IGF2R: variants seen among roughly 807,000 people sequenced by gnomAD.
The protein encoded by IGF2R is insulin like growth factor 2 receptor.
IGF2R carries 91 observed loss-of-function variants against 270.6 expected under a neutral mutation model. That is an observed-to-expected ratio of 0.34 (90% confidence interval 0.28 to 0.40). The LOEUF (loss-of-function observed/expected upper bound fraction) is 0.40. Among genes scored for constraint, IGF2R ranks in the 10% least tolerant of loss-of-function variants. IGF2R has a pLI of 1.00. For synonymous variants in IGF2R, 1,316 were observed against 1,258.9 expected (o/e 1.05, Z -0.96); for missense variants, 2,805 against 3,188.3 (o/e 0.88, Z 2.90).
In IGF2R at chr6:160,062,630, G is replaced by T. The variant is rs554945383; in HGVS notation, c.3670+11G>T. ...TTGTCAGAGTGGAAGGTAGGACTGG[G>T]CCTGTCCCTACAAGTCATTTTAAAT... On this transcript the variant is annotated intron_variant, in intron 26 of 47. Coordinates refer to ENST00000356956, the MANE Select transcript of IGF2R (RefSeq NM_000876.4). The T allele has an allele frequency of 1.3e-6, 2 of 1,595,622 alleles. No homozygotes were observed. Among genetic ancestry groups the T allele is most frequent in the African/African-American group, 1.3e-5 (1 of 74,616 alleles).
Position 160,093,884 on chromosome 6 carries a change from A to T in IGF2R, c.6656-2555A>T. On this transcript the variant is annotated intron_variant, in intron 44 of 47. Transcript: ENST00000356956. ...GCTGGGCAGTATCGCAGACAGGACC[A>T]TTCAGGAGGCTGATCAGCATGGGGA... 4.1e-6 allele frequency: 3 copies of T among 724,788 alleles called. No homozygotes were observed. The Admixed American group carries it at 5.3e-5, about 13-fold the overall frequency. 44.9% of individuals were successfully genotyped at this position (724,788 alleles called of 1,614,324 possible).
At chr6:159,996,723 C>A (rs896148544) in intron 2 of IGF2R, among the ~76,000 whole-genome samples, 1 of 152,202 alleles carries the variant, frequency 6.6e-6, no homozygotes, top group African/African-American at 2.4e-5. Flanking sequence ...ACGAGAGACA[C>A]CTGTCCATGG....
chr6:160,065,814 G>GTGTATGTATATA, intron 29 of IGF2R, among the ~76,000 whole-genome samples: 5 of 78,390 alleles, frequency 6.4e-5, no homozygotes, highest in African/African-American at 2.3e-4. Context: ...GTGTGTGTGT[G>GTGTATGTATATA]TATATATATA....
chr6:160,086,821 G>A (rs1779106605), intron 41 of IGF2R, among the ~76,000 whole-genome samples: 1 of 152,164 alleles, frequency 6.6e-6, no homozygotes. Flanking sequence ...AAACACTCGG[G>A]AAGTGAGCAC....
At chr6:160,010,205 T>C (rs1478298743) in intron 3 of IGF2R, 1 of 154,816 alleles carries the variant, frequency 6.5e-6, no homozygotes, top group Non-Finnish European at 1.4e-5. Flanking sequence ...TTGACCTGTT[T>C]GTAGTCCACT....
intron 2 of IGF2R, among the ~76,000 whole-genome samples, chr6:159,995,775 C>T (rs1295928497): frequency 2.0e-5 from 3 of 151,562 alleles, no homozygotes; most frequent in African/African-American, 7.3e-5. Flanking sequence ...TCTCTTGGAT[C>T]TTATTGCGCT....
chr6:160,003,407 T>C (rs1562338806), intron 2 of IGF2R: 1 of 152,360 alleles, frequency 6.6e-6, no homozygotes, highest in East Asian at 1.9e-4. Flanking sequence ...TTTTAAAACG[T>C]ATATTCACAT....
Position 160,072,702 on chromosome 6 carries a change from G to A in IGF2R, c.4571-63G>A, listed in dbSNP as rs8191885. The A allele has an allele frequency of 9.0e-4, 1,437 of 1,600,824 alleles. 12 individuals carry two copies. The African/African-American group carries it at 0.016, about 18-fold the overall frequency. On this transcript the variant is annotated intron_variant, in intron 32 of 47. Transcript: ENST00000356956. ...ATAATCTGTGTGTGAGCTCGCCGAT[G>A]ATGAGCCTCCCAAGTCTCAGCTCCC...
intron 1 of IGF2R, among the ~76,000 whole-genome samples, chr6:159,979,436 C>T (rs972432090): frequency 6.6e-5 from 10 of 152,284 alleles, no homozygotes; most frequent in African/African-American, 2.2e-4. Context: ...TCTCTGCTCT[C>T]GAAGCGTCAG....
At chr6:160,097,989 G>A (rs1055699796) in intron 45 of IGF2R, among the ~76,000 whole-genome samples, 17 of 152,308 alleles carry the variant, frequency 1.1e-4, no homozygotes, top group African/African-American at 2.2e-4. Context: ...TTCCGGTGAC[G>A]TCATTACAAA....
At chr6:160,008,121 G>A (rs926826249) in intron 2 of IGF2R, among the ~76,000 whole-genome samples, 1 of 152,210 alleles carries the variant, frequency 6.6e-6, no homozygotes, top group African/African-American at 2.4e-5. Flanking sequence ...ACAAGTTTGT[G>A]TTGGGCTGCA....
At chr6:160,078,681 A>G (rs1169174414) in intron 37 of IGF2R, among the ~76,000 whole-genome samples, 2 of 152,214 alleles carry the variant, frequency 1.3e-5, no homozygotes, top group Non-Finnish European at 2.9e-5. Flanking sequence ...GCCCGGAGAC[A>G]TGAATGTAAG....
intron 4 of IGF2R, among the ~76,000 whole-genome samples, chr6:160,020,447 C>A (rs1777406954): frequency 6.6e-6 from 1 of 152,056 alleles, no homozygotes; most frequent in Admixed American, 6.6e-5. Flanking sequence ...TAGAAAAAGT[C>A]CTAAAATTCA....
rs1237234461 is a variant in IGF2R, at chr6:159,998,577, A to G, written c.289+7254A>G. Among the ~76,000 whole-genome samples the G allele has an allele frequency of 6.6e-6, 1 of 152,226 alleles. No homozygotes were observed. The highest frequency in any genetic ancestry group is 1.5e-5 in the Non-Finnish European group (1 of 68,038). On this transcript the variant is annotated intron_variant, in intron 2 of 47. Transcript: ENST00000356956. The surrounding 1 kb of genome is among the most constrained non-coding windows in gnomAD (Gnocchi z 4.1). The stretch of plus-strand genomic sequence containing the variant: ...ACCAAAGATAACTAGATGACTAAAA[A>G]GTAACTTACAGGTTAAGATGATGAT...
intron 22 of IGF2R, among the ~76,000 whole-genome samples, chr6:160,059,748 C>T (rs575021995): frequency 3.3e-5 from 5 of 152,352 alleles, no homozygotes; most frequent in Admixed American, 6.5e-5. Flanking sequence ...CCGCTTGGCC[C>T]GCTGGCCTCC....
At chr6:160,065,810 GTGTGTATA>G (rs1283949623) in intron 29 of IGF2R, among the ~76,000 whole-genome samples, 22 of 72,974 alleles carry the variant, frequency 3.0e-4, no homozygotes, top group East Asian at 1.5e-3. Context: ...GTGTGTGTGT[GTGTGTATA>G]TATATATATA....
intron 7 of IGF2R, among the ~76,000 whole-genome samples, chr6:160,031,283 C>T (rs1304691049): frequency 6.6e-6 from 1 of 152,132 alleles, no homozygotes; most frequent in Non-Finnish European, 1.5e-5. Flanking sequence ...AAACACTCAC[C>T]TTGTCATATA....
intron 10 of IGF2R, among the ~76,000 whole-genome samples, chr6:160,039,956 G>A (rs1170970908): frequency 6.6e-6 from 1 of 152,210 alleles, no homozygotes; most frequent in Non-Finnish European, 1.5e-5. Flanking sequence ...CAGGTGCACT[G>A]ACGGAACCAC....
At chr6:160,059,488 T>C (rs539090012) in intron 22 of IGF2R, among the ~76,000 whole-genome samples, 24 of 152,318 alleles carry the variant, frequency 1.6e-4, no homozygotes, top group African/African-American at 5.5e-4. Flanking sequence ...GCATAGTATA[T>C]ATAGGGTTCT....
Sources: gnomAD v4.1 joint callset for allele counts (sites outside exome capture counted in the v4.1 genomes callset) on GRCh38, gnomAD v4.1.1 for gene constraint, Gnocchi (gnomAD v3.1) non-coding constraint, MANE v1.5 for transcripts, NCBI Gene and HGNC (gene_info 2026-07-23, HGNC 2026-07-21) for gene names.